The following KHDRBS2 variants were observed in gnomAD, a reference collection of about 807,000 sequenced individuals.
KHDRBS2 encodes KH RNA binding domain containing, signal transduction associated 2.
KHDRBS2 carries 26 observed loss-of-function variants against 44.3 expected under a neutral mutation model. The ratio of observed to expected loss-of-function variants is 0.59; its 90% CI spans 0.43 to 0.81. The LOEUF (loss-of-function observed/expected upper bound fraction) is 0.81, where lower values mean the gene tolerates loss of function less well. KHDRBS2 is among the 40% of genes least tolerant of loss of function. The pLI, the probability that KHDRBS2 is intolerant of heterozygous loss-of-function variation, is 0.00. For missense variants in KHDRBS2, 476 were observed against 433.1 expected (o/e 1.10, Z -0.88); for synonymous variants, 194 against 151.1 (o/e 1.28, Z -2.08).
intron 1 of KHDRBS2, among the ~76,000 whole-genome samples, chr6:62,212,003 G>A (rs1051178208): frequency 2.6e-5 from 4 of 152,142 alleles, no homozygotes; most frequent in African/African-American, 9.7e-5. Flanking sequence ...CATGTCCTTT[G>A]CAGGTACATG....
At chr6:61,557,885 G>T in the KHDRBS2 span, among the ~76,000 whole-genome samples, 45 of 152,040 alleles carry the variant, frequency 3.0e-4, 1 homozygote, top group East Asian at 7.6e-3. Context: ...CATGTGTCTC[G>T]GAATTTTTCC....
At chr6:62,281,927 T>C (rs1159894035) in intron 1 of KHDRBS2, among the ~76,000 whole-genome samples, 2 of 152,156 alleles carry the variant, frequency 1.3e-5, no homozygotes, top group African/African-American at 4.8e-5. Context: ...AAAGATAACT[T>C]GAATTTAATT....
chr6:62,042,551 C>G (rs1458997617), intron 3 of KHDRBS2, among the ~76,000 whole-genome samples: 1 of 152,066 alleles, frequency 6.6e-6, no homozygotes, highest in Admixed American at 6.6e-5. Context: ...GACTGACAAG[C>G]AATGAGCATG....
the KHDRBS2 span, among the ~76,000 whole-genome samples, chr6:61,656,809 C>T: frequency 6.6e-6 from 1 of 151,962 alleles, no homozygotes; most frequent in Non-Finnish European, 1.5e-5. Flanking sequence ...ATATACCATG[C>T]ACGTGATGGC....
At chr6:61,754,329 AC>A (rs1192625778) in intron 6 of KHDRBS2, among the ~76,000 whole-genome samples, 1 of 152,142 alleles carries the variant, frequency 6.6e-6, no homozygotes, top group Non-Finnish European at 1.5e-5. Context: ...GGGCCAGAGA[AC>A]ATTACAGGAT....
chr6:61,785,063 C>A (rs1783570445), intron 6 of KHDRBS2, among the ~76,000 whole-genome samples: 1 of 151,886 alleles, frequency 6.6e-6, no homozygotes, highest in Non-Finnish European at 1.5e-5. Flanking sequence ...ATGGGAGGAT[C>A]ACCTGAGCCT....
At chr6:61,739,514 C>T (rs557598926) in intron 6 of KHDRBS2, among the ~76,000 whole-genome samples, 1 of 151,772 alleles carries the variant, frequency 6.6e-6, no homozygotes, top group African/African-American at 2.4e-5. Flanking sequence ...AAATAAAATG[C>T]TCTGAATTAG....
chr6:61,570,241 G>A, the KHDRBS2 span, among the ~76,000 whole-genome samples: 1 of 152,048 alleles, frequency 6.6e-6, no homozygotes, highest in Admixed American at 6.6e-5. Flanking sequence ...ACAACTTCCA[G>A]AAATGAAAGA....
chr6:62,107,320 T>C (rs1803670919), intron 2 of KHDRBS2, among the ~76,000 whole-genome samples: 1 of 152,118 alleles, frequency 6.6e-6, no homozygotes, highest in South Asian at 2.1e-4. Context: ...GAGAGCCAAA[T>C]CATGAGTGAA....
At chr6:61,638,332 G>A in the KHDRBS2 span, among the ~76,000 whole-genome samples, 2 of 152,046 alleles carry the variant, frequency 1.3e-5, no homozygotes, top group African/African-American at 4.8e-5. Flanking sequence ...GAACAGAACA[G>A]AGCCCTCAGA....
intron 3 of KHDRBS2, among the ~76,000 whole-genome samples, chr6:62,044,752 T>G (rs966437677): frequency 3.8e-4 from 58 of 152,072 alleles, no homozygotes; most frequent in African/African-American, 1.4e-3. Context: ...ATAAAAAGAT[T>G]GGCAGTTGCA....
In KHDRBS2 at chr6:62,243,667, C is replaced by T. The variant is rs376257572; in HGVS notation, c.91+42191G>A. Among the ~76,000 whole-genome samples, 17 of 151,402 alleles carry T rather than the reference C, an allele frequency of 1.1e-4. No individual in the cohort carries two copies. In the East Asian group the frequency reaches 3.1e-3, roughly 28 times the overall value. On this transcript the variant is annotated intron_variant, in intron 1 of 8. Coordinates refer to ENST00000281156, the MANE Select transcript of KHDRBS2 (RefSeq NM_152688.4). ...AAATAACCGCTAGAAAACAGAATTG[C>T]TGTAATAAGGAACTACTAGGAAAAG...
intron 6 of KHDRBS2, among the ~76,000 whole-genome samples, chr6:61,849,457 A>C (rs1443033609): frequency 2.0e-5 from 3 of 152,120 alleles, no homozygotes; most frequent in Non-Finnish European, 4.4e-5. Context: ...TGAAACATCT[A>C]CATTATTAAA....
chr6:62,282,923 T>C (rs1015329468), intron 1 of KHDRBS2, among the ~76,000 whole-genome samples: 3 of 152,064 alleles, frequency 2.0e-5, no homozygotes, highest in Non-Finnish European at 2.9e-5. Flanking sequence ...CCAGATTCAG[T>C]TGAGGTTAAA....
chr6:62,124,342 T>C (rs1479033839), intron 2 of KHDRBS2, among the ~76,000 whole-genome samples: 1 of 152,200 alleles, frequency 6.6e-6, no homozygotes, highest in Non-Finnish European at 1.5e-5. Flanking sequence ...TTTTCTGAGA[T>C]GGATATATGG....
intron 6 of KHDRBS2, among the ~76,000 whole-genome samples, chr6:61,795,144 C>CAAAAAAAAAAAAAAA (rs1166333660): frequency 1.7e-5 from 1 of 59,670 alleles, no homozygotes; most frequent in African/African-American, 6.2e-5. Context: ...GACTCCGTCT[C>CAAAAAAAAAAAAAAA]AAAAAAAAAA....
chr6:62,173,154 C>T (rs1002316148), intron 2 of KHDRBS2, among the ~76,000 whole-genome samples: 7 of 149,792 alleles, frequency 4.7e-5, no homozygotes, highest in Non-Finnish European at 1.0e-4. Flanking sequence ...AGTTGGTTCG[C>T]TGAAAGAGTA....
At chr6:62,071,102 T>C (rs1360181756) in intron 2 of KHDRBS2, among the ~76,000 whole-genome samples, 4 of 152,140 alleles carry the variant, frequency 2.6e-5, no homozygotes, top group Non-Finnish European at 4.4e-5. Context: ...ATGATGAGCA[T>C]TTTTTTCATG....
intron 2 of KHDRBS2, among the ~76,000 whole-genome samples, chr6:62,124,765 T>G (rs1224215568): frequency 6.6e-6 from 1 of 152,152 alleles, no homozygotes; most frequent in Admixed American, 6.5e-5. Context: ...GTACTGGGAT[T>G]GCTGAATTGA....
Sources: gnomAD v4.1 joint callset for allele counts (sites outside exome capture counted in the v4.1 genomes callset) on GRCh38, gnomAD v4.1.1 for gene constraint, MANE v1.5 for transcripts, NCBI Gene and HGNC (gene_info 2026-07-23, HGNC 2026-07-21) for gene names.